Variants in PLAC1 observed in about 807,000 individuals in gnomAD.
PLAC1 encodes placenta-specific protein 1.
For missense variants in PLAC1, 136 were observed against 163.2 expected (o/e 0.83, Z 0.91); for synonymous variants, 68 against 62.1 (o/e 1.09, Z -0.44).
intron 1 of PLAC1, among the ~76,000 whole-genome samples, chrX:134,639,442 G>C (rs1270368059): frequency 2.7e-5 from 3 of 111,166 alleles, no homozygotes; most frequent in Non-Finnish European, 5.7e-5. Flanking sequence ...AACAAGCATT[G>C]GGGAGTGGTG....
intron 1 of PLAC1, among the ~76,000 whole-genome samples, chrX:134,619,934 C>T (rs1272303230): frequency 8.0e-5 from 9 of 112,047 alleles, no homozygotes; most frequent in Non-Finnish European, 1.9e-5. Context: ...ACTATAGGTA[C>T]AGTAGGCAGT....
At chrX:134,595,295 T>C (rs2124379794) in intron 2 of PLAC1, among the ~76,000 whole-genome samples, 1 of 110,796 alleles carries the variant, frequency 9.0e-6, no homozygotes, top group East Asian at 2.8e-4. Context: ...GTCTATCTTG[T>C]TCTATGTTCT....
At chrX:134,597,241 T>C (rs185578422) in intron 2 of PLAC1, among the ~76,000 whole-genome samples, 28 of 111,930 alleles carry the variant, frequency 2.5e-4, no homozygotes, top group Non-Finnish European at 3.8e-4. Context: ...TTCACCGATT[T>C]TTTTCCTTTG....
At chrX:134,594,378 A>T (rs1456844653) in intron 2 of PLAC1, among the ~76,000 whole-genome samples, 2 of 111,561 alleles carry the variant, frequency 1.8e-5, no homozygotes, top group African/African-American at 6.5e-5. Flanking sequence ...TTTTTGCCTG[A>T]TTTTAGTATC....
chrX:134,751,661 G>A (rs1422796881), intron 1 of PLAC1, among the ~76,000 whole-genome samples: 1 of 111,570 alleles, frequency 9.0e-6, no homozygotes, highest in African/African-American at 3.3e-5. Context: ...TGCTGAAGAA[G>A]TGTTGGTTAA....
At chrX:134,663,786 T>A (rs1271130451) in intron 2 of PLAC1, among the ~76,000 whole-genome samples, 1 of 112,573 alleles carries the variant, frequency 8.9e-6, no homozygotes, top group Non-Finnish European at 1.9e-5. Context: ...ATTTTACAGA[T>A]AACATCCACA....
intron 1 of PLAC1, among the ~76,000 whole-genome samples, chrX:134,753,371 A>G (rs1300039473): frequency 9.0e-6 from 1 of 111,375 alleles, no homozygotes; most frequent in Non-Finnish European, 1.9e-5. Flanking sequence ...AAAAGCAGAT[A>G]AGCATCAGAA....
chrX:134,762,821 CAAAAAAA>C (rs60721487), intron 1 of PLAC1, among the ~76,000 whole-genome samples: 159 of 14,804 alleles, frequency 0.011, 1 homozygote, highest in African/African-American at 0.018. Context: ...GGCTCTATCT[CAAAAAAA>C]AAAAAAAAAA....
At chrX:134,649,599 G>A (rs2078352435) in intron 1 of PLAC1, among the ~76,000 whole-genome samples, 1 of 111,656 alleles carries the variant, frequency 9.0e-6, no homozygotes, top group African/African-American at 3.3e-5. Flanking sequence ...TTCCTTGGAA[G>A]CTATACTTCC....
At chrX:134,569,788 T>TTGTG (rs1222390458) in intron 2 of PLAC1, among the ~76,000 whole-genome samples, 6 of 47,379 alleles carry the variant, frequency 1.3e-4, no homozygotes, top group Non-Finnish European at 2.4e-4. Context: ...GTGTGTGTGT[T>TTGTG]TGTGTGTGTG....
chrX:134,566,690 G>T lies in PLAC1; in HGVS notation c.-8C>A. On this transcript the variant is annotated 5_prime_UTR_variant, in exon 3 of 3. It adds an upstream start codon to the 5' untranslated region. Coordinates refer to ENST00000359237, the MANE Select transcript of PLAC1 (RefSeq NM_021796.4). ...GAACTTAAAAACTTTCATCCCTGCA[G>T]CCAATCAGATAATGAACCACAGGAA... 8.5e-7 allele frequency: 1 copy of T among 1,174,012 alleles called. No individual in the cohort carries two copies. The highest frequency in any genetic ancestry group is 1.1e-6 in the Non-Finnish European group (1 of 871,978).
intron 2 of PLAC1, among the ~76,000 whole-genome samples, chrX:134,587,556 G>A (rs990785347): frequency 3.4e-4 from 37 of 110,242 alleles, no homozygotes; most frequent in Middle Eastern, 4.7e-3. Context: ...ACTCCAGCCT[G>A]GGTGACAGAG....
intron 1 of PLAC1, among the ~76,000 whole-genome samples, chrX:134,740,683 G>A (rs1425295780): frequency 4.5e-5 from 5 of 111,836 alleles, no homozygotes; most frequent in Non-Finnish European, 7.5e-5. Flanking sequence ...GTTCATCCTG[G>A]ATTATCTGAG....
intron 1 of PLAC1, chrX:134,733,549 A>G (rs1444100064): frequency 9.0e-6 from 1 of 111,517 alleles, no homozygotes; most frequent in Non-Finnish European, 1.9e-5. Context: ...TTTGGAGTTC[A>G]TGAGGATGGA....
chrX:134,674,623 C>T (rs1214511502), intron 2 of PLAC1, among the ~76,000 whole-genome samples: 1 of 112,591 alleles, frequency 8.9e-6, no homozygotes, highest in African/African-American at 3.2e-5. Flanking sequence ...AGAAAACAAA[C>T]ATCAACAGCC....
intron 1 of PLAC1, among the ~76,000 whole-genome samples, chrX:134,611,766 TA>T (rs1056792849): frequency 9.1e-6 from 1 of 110,449 alleles, no homozygotes; most frequent in Non-Finnish European, 1.9e-5. Context: ...ACTACCATGA[TA>T]AAAAGGCACG....
chrX:134,724,977 G>A (rs1347961234), intron 2 of PLAC1, among the ~76,000 whole-genome samples: 1 of 108,388 alleles, frequency 9.2e-6, no homozygotes. Context: ...ATTCCAGCCT[G>A]GGCGACAGAG....
At chrX:134,626,038 GC>G (rs2078235629) in intron 1 of PLAC1, among the ~76,000 whole-genome samples, 1 of 110,979 alleles carries the variant, frequency 9.0e-6, no homozygotes, top group African/African-American at 3.3e-5. Context: ...ACAGTGAGGA[GC>G]AAAAAGTGGA....
At chrX:134,643,691 T>G (rs1180311292) in intron 1 of PLAC1, among the ~76,000 whole-genome samples, 1 of 111,656 alleles carries the variant, frequency 9.0e-6, no homozygotes, top group Non-Finnish European at 1.9e-5. Flanking sequence ...AGTTGAGTAC[T>G]CATTTGCTCT....
Sources: allele counts gnomAD v4.1 joint callset (sites outside exome capture counted in the v4.1 genomes callset), GRCh38; gene constraint gnomAD v4.1.1; transcripts MANE v1.5; gene names NCBI Gene and HGNC (gene_info 2026-07-23, HGNC 2026-07-21).